The following MYO1H variants were observed in gnomAD, a reference collection of about 807,000 sequenced individuals.
MYO1H encodes the protein myosin IH, also known as unconventional myosin-Ih.
MYO1H carries 118 observed loss-of-function variants against 149.3 expected under a neutral mutation model. The observed-to-expected ratio is 0.79, with a 90% confidence interval of 0.68 to 0.92. The LOEUF is 0.92. Ranked by LOEUF, MYO1H falls within the 40% of genes least tolerant of loss-of-function variation. The pLI is 0.00. For missense variants in MYO1H, 1,212 were observed against 1,280.7 expected (o/e 0.95, Z 0.82); for synonymous variants, 447 against 465.2 (o/e 0.96, Z 0.50).
chr12:109,390,457 A>G (rs983585506), intron 2 of MYO1H, among the ~76,000 whole-genome samples: 6 of 152,032 alleles, frequency 3.9e-5, no homozygotes, highest in Non-Finnish European at 8.8e-5. Flanking sequence ...TTTTTTCTAT[A>G]TAAGAGCTTG....
intron 1 of MYO1H, among the ~76,000 whole-genome samples, chr12:109,373,802 G>T (rs1330118329): frequency 6.6e-6 from 1 of 152,084 alleles, no homozygotes; most frequent in East Asian, 1.9e-4. Context: ...CCCACCCTTG[G>T]TTTTCTTTGT....
At chr12:109,370,248 G>A (rs541487087) in intron 1 of MYO1H, among the ~76,000 whole-genome samples, 1 of 152,314 alleles carries the variant, frequency 6.6e-6, no homozygotes, top group Non-Finnish European at 1.5e-5. Flanking sequence ...GTAGTGCCAT[G>A]CCCTTGTCTA....
intron 7 of MYO1H, among the ~76,000 whole-genome samples, chr12:109,405,090 G>A (rs1870320414): frequency 6.6e-6 from 1 of 151,864 alleles, no homozygotes; most frequent in Admixed American, 6.6e-5. Context: ...GTGCATGCCT[G>A]TAGTCCCAGC....
upstream of MYO1H, among the ~76,000 whole-genome samples, chr12:109,343,628 T>C (rs1158764099): frequency 1.3e-5 from 2 of 152,118 alleles, no homozygotes; most frequent in Admixed American, 6.6e-5. Context: ...ACGATCACAA[T>C]GAGAGAGTAA....
At chr12:109,402,405 C>T (rs1191772322) in intron 6 of MYO1H, among the ~76,000 whole-genome samples, 1 of 152,098 alleles carries the variant, frequency 6.6e-6, no homozygotes, top group African/African-American at 2.4e-5. Flanking sequence ...AAATGAATCT[C>T]ATAAAATGAG....
chr12:109,431,106 A>C (rs58148032), intron 19 of MYO1H, among the ~76,000 whole-genome samples: 1 of 149,956 alleles, frequency 6.7e-6, no homozygotes, highest in Non-Finnish European at 1.5e-5. Context: ...GAGGCCAGGC[A>C]CGGTGGCTCA....
At chr12:109,327,298 AT>A in the MYO1H span, among the ~76,000 whole-genome samples, 1 of 149,778 alleles carries the variant, frequency 6.7e-6, no homozygotes, top group Non-Finnish European at 1.5e-5. Flanking sequence ...TGCCTGGCTA[AT>A]TTTTTTTGTA....
rs1302377925 is a variant in MYO1H at position 109,387,021 on chromosome 12, TGTGTGTGTGTGTGTG to T, written c.13-1661_13-1647del. Among the ~76,000 whole-genome samples the T allele has an allele frequency of 1.7e-3, 250 of 148,424 alleles. 1 individual carries two copies. Among genetic ancestry groups the T allele is most frequent in the African/African-American group, 6.1e-3 (232 of 38,232 alleles). Reference sequence around the variant, plus strand: ...GTGTGTGTGTGTGTGTGTGTGTGTGTGTGTGTGTGTGTGTGTGTGTAGTGTAGTGTAATGTAATAT... The same window carrying T: ...GTGTGTGTGTGTGTGTGTGTGTGTGTTGTGTAGTGTAGTGTAATGTAATAT... On this transcript the variant is annotated intron_variant, in intron 1 of 31. Transcript: ENST00000310903.
At chr12:109,356,551 G>A (rs1868608069) in intron 1 of MYO1H, among the ~76,000 whole-genome samples, 1 of 152,040 alleles carries the variant, frequency 6.6e-6, no homozygotes, top group Non-Finnish European at 1.5e-5. Flanking sequence ...ACATTTATCA[G>A]TAGGAAGTAG....
At chr12:109,426,038 C>A (rs755386221) in exon 18 of MYO1H, 1 of 1,612,766 alleles carries the variant, frequency 6.2e-7, no homozygotes, top group South Asian at 1.1e-5. Context: ...AGCCCAACGA[C>A]AGGAAAGAAC....
At chr12:109,394,036 A>G (rs1042368982) in intron 3 of MYO1H, among the ~76,000 whole-genome samples, 6 of 152,340 alleles carry the variant, frequency 3.9e-5, no homozygotes, top group East Asian at 3.9e-4. Context: ...CCTCTCCCCT[A>G]TGTATAACCT....
chr12:109,401,506 C>A (rs1870157105), intron 6 of MYO1H: 1 of 428,726 alleles, frequency 2.3e-6, no homozygotes, highest in Non-Finnish European at 4.1e-6. Context: ...TCATCCCTGG[C>A]TGAAACTAGA....
chr12:109,410,399 C>T (rs1277223861), intron 12 of MYO1H, among the ~76,000 whole-genome samples: 1 of 152,164 alleles, frequency 6.6e-6, no homozygotes, highest in Non-Finnish European at 1.5e-5. Flanking sequence ...GCCTCAACCT[C>T]CCAAAGTACT....
At chr12:109,406,466 TTAAAAAAAAAAAAAAAAAAAAA>T (rs1870396213) in intron 8 of MYO1H, among the ~76,000 whole-genome samples, 1 of 101,708 alleles carries the variant, frequency 9.8e-6, no homozygotes, top group African/African-American at 3.5e-5. Flanking sequence ...ACCCTATCTC[TTAAAAAAAAAAAAAAAAAAAAA>T]AAAAAAAAAA....
chr12:109,330,582 C>A, the MYO1H span, among the ~76,000 whole-genome samples: 6 of 152,162 alleles, frequency 3.9e-5, no homozygotes, highest in Non-Finnish European at 8.8e-5. Context: ...CCTACCAAGA[C>A]CCCTGTCCCA....
intron 1 of MYO1H, among the ~76,000 whole-genome samples, chr12:109,366,034 G>A (rs1868858912): frequency 6.6e-6 from 1 of 152,168 alleles, no homozygotes; most frequent in Admixed American, 6.5e-5. Flanking sequence ...CTAACGCCTG[G>A]TGATCTCAGG....
At chr12:109,435,311 G>A (rs751012747) in intron 21 of MYO1H, among the ~76,000 whole-genome samples, 198 bp downstream of exon 21, 4 of 150,474 alleles carry the variant, frequency 2.7e-5, no homozygotes, top group Non-Finnish European at 5.9e-5. Flanking sequence ...CACAGATGCA[G>A]GCAGATATAT....
intron 19 of MYO1H, among the ~76,000 whole-genome samples, chr12:109,427,909 A>AAAAAATATAT (rs1555254298): frequency 6.1e-5 from 1 of 16,416 alleles, no homozygotes; most frequent in Admixed American, 8.7e-4. Context: ...AAAAAAAAAA[A>AAAAAATATAT]ATATATATAT....
intron 1 of MYO1H, among the ~76,000 whole-genome samples, chr12:109,374,998 G>A (rs548651496): frequency 1.4e-4 from 22 of 151,790 alleles, no homozygotes; most frequent in Admixed American, 8.5e-4. Context: ...GGGATTACAC[G>A]TGCCTGCCAC....
Sources: allele counts gnomAD v4.1 joint callset (sites outside exome capture counted in the v4.1 genomes callset), GRCh38; gene constraint gnomAD v4.1.1; transcripts MANE v1.5; gene names NCBI Gene and HGNC (gene_info 2026-07-23, HGNC 2026-07-21).